Variants in IL16 observed in about 807,000 individuals in gnomAD.
IL16 encodes the protein pro-interleukin-16.
In IL16, 67 loss-of-function variants were observed where a neutral mutation model predicts 110.1. The observed-to-expected ratio is 0.61, with a 90% confidence interval of 0.50 to 0.75. IL16 has a LOEUF of 0.75. Among genes scored for constraint, IL16 ranks in the 30% least tolerant of loss-of-function variants. The probability of loss-of-function intolerance (pLI) is 0.00; values close to 1 mark genes in which losing one functional copy is unlikely to be tolerated. For synonymous variants in IL16, 689 were observed against 662.9 expected (o/e 1.04, Z -0.61); for missense variants, 1,545 against 1,655.0 (o/e 0.93, Z 1.15).
intron 1 of IL16, among the ~76,000 whole-genome samples, chr15:81,222,745 G>C (rs956606471): frequency 6.7e-6 from 1 of 148,274 alleles, no homozygotes; most frequent in African/African-American, 2.5e-5. Context: ...CACACTCACA[G>C]ACACACACAC....
In IL16 at chr15:81,297,015, G is replaced by C. The variant is rs1900018609; in HGVS notation, c.1990G>C (p.Gly664Arg). Residue 664 changes from glycine to arginine, a missense_variant, in exon 13 of 19, where the codon GGT becomes CGT. Transcript: ENST00000683961. ...TGCCTCTGCCGGCTGCCCAGGACCT[G>C]GTATCGGCCCACAGACCAAGTCCTC... ...PSASAGCPGP[G>R]IGPQTKSSTE... The C allele has an allele frequency of 1.2e-6, 2 of 1,613,842 alleles. No homozygotes were observed. The highest frequency in any genetic ancestry group is 1.7e-6 in the Non-Finnish European group (2 of 1,179,986).
chr15:81,217,017 A>G (rs562127291), intron 1 of IL16, among the ~76,000 whole-genome samples: 1 of 150,008 alleles, frequency 6.7e-6, no homozygotes, highest in Middle Eastern at 3.5e-3. Flanking sequence ...TCAATTCTTG[A>G]AGATAGAAAA....
intron 2 of IL16, among the ~76,000 whole-genome samples, chr15:81,240,279 C>T (rs1474441134): frequency 1.3e-5 from 2 of 151,986 alleles, no homozygotes; most frequent in African/African-American, 4.8e-5. Context: ...TTCCCCTTTC[C>T]CCTCACCTAC....
At chr15:81,291,975 G>C in intron 11 of IL16, 1 of 456,082 alleles carries the variant, frequency 2.2e-6, no homozygotes, top group South Asian at 1.5e-5. Context: ...GATGGAGTTT[G>C]GTCTGCAGGC....
At chr15:81,236,866 G>A (rs2142085098) in intron 2 of IL16, among the ~76,000 whole-genome samples, 1 of 152,218 alleles carries the variant, frequency 6.6e-6, no homozygotes, top group East Asian at 1.9e-4. Flanking sequence ...CTGAGGCAGG[G>A]AGAATTGCTT....
At chr15:81,185,728 A>G (rs915832446) in intron 1 of IL16, among the ~76,000 whole-genome samples, 1 of 152,172 alleles carries the variant, frequency 6.6e-6, no homozygotes, top group African/African-American at 2.4e-5. Context: ...GTTAAGTTCT[A>G]TGGGAGGCTG....
At chr15:81,252,473 T>C (rs536012593) in intron 2 of IL16, among the ~76,000 whole-genome samples, 12 of 152,206 alleles carry the variant, frequency 7.9e-5, no homozygotes, top group Non-Finnish European at 1.8e-4. Context: ...TTTAATGGTT[T>C]TATTAAGATA....
At chr15:81,274,535 A>G (rs554960551) in intron 6 of IL16, among the ~76,000 whole-genome samples, 3 of 152,314 alleles carry the variant, frequency 2.0e-5, no homozygotes, top group East Asian at 1.9e-4. Context: ...ATCATATACA[A>G]TGGAACCATG....
chr15:81,287,487 A>G (rs1899504134), intron 10 of IL16, among the ~76,000 whole-genome samples: 1 of 152,194 alleles, frequency 6.6e-6, no homozygotes, highest in South Asian at 2.1e-4. Context: ...ACCACAAAGA[A>G]TTATTTAATC....
chr15:81,308,645 T>A lies in IL16; in HGVS notation c.3846T>A (p.Asp1282Glu). The A allele has an allele frequency of 6.2e-7, 1 of 1,613,554 alleles. No individual in the cohort carries two copies. The highest frequency in any genetic ancestry group is 1.7e-5 in the Admixed American group (1 of 59,946). Residue 1282 changes from aspartate to glutamate, a missense_variant, in exon 19 of 19, where the codon GAT (aspartate) becomes GAA (glutamate). Asp to Glu is a conservative substitution (Grantham distance 45). Coordinates refer to ENST00000683961, the MANE Select transcript of IL16 (RefSeq NM_172217.5). The part of the protein sequence containing the change: ...SEQSETVQPG[D>E]EILQLGGTAM... Reference sequence around the variant, plus strand: ...AAAGTGAGACAGTCCAGCCTGGAGATGAAATCTTACAGCTGGGTGGCACTG... The same window carrying A: ...AAAGTGAGACAGTCCAGCCTGGAGAAGAAATCTTACAGCTGGGTGGCACTG...
At chr15:81,217,387 GACCA>G (rs1896470330) in intron 1 of IL16, among the ~76,000 whole-genome samples, 7 of 152,100 alleles carry the variant, frequency 4.6e-5, no homozygotes, top group Admixed American at 4.6e-4. Context: ...AATTAAAATA[GACCA>G]ACCAAGGAAG....
chr15:81,287,394 C>G (rs986661415), intron 10 of IL16, among the ~76,000 whole-genome samples: 2 of 152,194 alleles, frequency 1.3e-5, no homozygotes, highest in African/African-American at 4.8e-5. Flanking sequence ...CTGATAGCAA[C>G]TATAACAGGA....
chr15:81,225,662 C>A lies in IL16; in HGVS notation c.263C>A (p.Ala88Glu), dbSNP rs202125479. The A allele has an allele frequency of 6.2e-7, 1 of 1,613,866 alleles. No homozygotes were observed. Among genetic ancestry groups the A allele is most frequent in the Admixed American group, 1.7e-5 (1 of 59,986 alleles). The change falls in exon 2 of 19, where the codon GCA becomes GAA. Residue 88 changes from alanine (A) to glutamate (E), a missense_variant. By Grantham distance (107) the Ala-to-Glu change is moderately radical (BLOSUM62 -1). This residue lies in a region of IL16 where 1,185 missense variants were observed against 1,238.8 expected (regional missense o/e 0.96). Coordinates refer to ENST00000683961, the MANE Select transcript of IL16 (RefSeq NM_172217.5). ...GCCTCGGAGGCTGCTCAACTCCAAG[C>A]AGCTGGGAATGATCGAGGCAAGACC... ...ALASEAAQLQ[A>E]AGNDRGKTCR...
At chr15:81,305,673 T>A (rs1900514307) in intron 16 of IL16, 1 of 563,976 alleles carries the variant, frequency 1.8e-6, no homozygotes, top group Admixed American at 3.2e-5. Flanking sequence ...GGACGTTGTG[T>A]TGGGATGGAT....
chr15:81,300,451 C>G lies in IL16; in HGVS notation c.3125C>G (p.Ala1042Gly). 6.2e-7 allele frequency: 1 copy of G among 1,613,574 alleles called. No homozygotes were observed. Among genetic ancestry groups the G allele is most frequent in the Non-Finnish European group, 8.5e-7 (1 of 1,179,546 alleles). ...SAANGSAETS[A>G]LDTGFSLNLS... ...GCAAATGGTTCTGCTGAAACATCTG[C>G]CTTGGACACAGGGTTCTCGCTCAAG... Residue 1042 changes from alanine to glycine, a missense_variant, in exon 14 of 19, where the codon GCC (alanine) becomes GGC (glycine). By Grantham distance (60) the Ala-to-Gly change is moderately conservative. This residue lies in a region of IL16 where 356 missense variants were observed against 399.3 expected (regional missense o/e 0.89). Coordinates refer to ENST00000683961, the MANE Select transcript of IL16 (RefSeq NM_172217.5).
chr15:81,206,205 C>T (rs929547905), intron 1 of IL16, among the ~76,000 whole-genome samples: 8 of 151,890 alleles, frequency 5.3e-5, no homozygotes, highest in South Asian at 2.1e-4. Context: ...GAAATTTCAT[C>T]GTCGTACAAA....
At chr15:81,261,666 C>T (rs1034734471) in intron 3 of IL16, among the ~76,000 whole-genome samples, 1 of 152,084 alleles carries the variant, frequency 6.6e-6, no homozygotes, top group Admixed American at 6.6e-5. Context: ...CTAACCCGGC[C>T]CACCCCTCTG....
rs138926453 is a variant in IL16, at chr15:81,225,899, A to T, written c.312+188A>T. On this transcript the variant is annotated intron_variant, in intron 2 of 18. Transcript: ENST00000683961. ...ATGAGTATGGGAGTGAATCAGGCTC[A>T]GTTAACACTCTTGCTTGAGAGGTTC... Among the ~76,000 whole-genome samples the T allele has an allele frequency of 4.8e-3, 727 of 152,340 alleles. 1 individual carries two copies. Among genetic ancestry groups the T allele is most frequent in the Middle Eastern group, 0.024 (7 of 294 alleles).
intron 1 of IL16, among the ~76,000 whole-genome samples, chr15:81,207,266 AAAAAG>A (rs1249782752): frequency 3.0e-4 from 46 of 151,760 alleles, no homozygotes; most frequent in African/African-American, 8.7e-4. Flanking sequence ...AAAAAACAAA[AAAAAG>A]AAAAGAAAAA....
Sources: gnomAD v4.1 joint callset for allele counts (sites outside exome capture counted in the v4.1 genomes callset) on GRCh38, gnomAD v4.1.1 for gene constraint, gnomAD v4.1.1 regional missense constraint, MANE v1.5 for transcripts, NCBI Gene and HGNC (gene_info 2026-07-23, HGNC 2026-07-21) for gene names.